TTF2: variants seen among roughly 807,000 people sequenced by gnomAD.
The protein encoded by TTF2 is RNA polymerase II termination factor.
TTF2 carries 108 observed loss-of-function variants against 142.4 expected under a neutral mutation model. The ratio of observed to expected loss-of-function variants is 0.76; its 90% CI spans 0.65 to 0.89. TTF2 has a LOEUF of 0.89. Among genes scored for constraint, TTF2 ranks in the 40% least tolerant of loss-of-function variants. The probability of loss-of-function intolerance (pLI) is 0.00; values close to 1 mark genes in which losing one functional copy is unlikely to be tolerated. For synonymous variants in TTF2, 483 were observed against 506.2 expected, an observed-to-expected ratio of 0.95 and a Z score of 0.61; for missense variants, 1,327 against 1,379.8, an observed-to-expected ratio of 0.96 and a Z score of 0.61.
chr1:117,081,949 T>C lies in TTF2; in HGVS notation c.1903+2T>C. ...CTTTGACGTGGCTCTCCAAAGATGGTAGACAGAAGTGCCTTAATAGCCTGC... is the reference window on the plus strand; with the variant it reads ...CTTTGACGTGGCTCTCCAAAGATGGCAGACAGAAGTGCCTTAATAGCCTGC... On this transcript the variant is annotated splice_donor_variant, in intron 10 of 22. Transcript: ENST00000369466. LOFTEE classifies it high-confidence loss of function. The C allele has an allele frequency of 6.2e-7, 1 of 1,614,088 alleles. No individual in the cohort carries two copies. Among genetic ancestry groups the C allele is most frequent in the Non-Finnish European group, 8.5e-7 (1 of 1,179,980 alleles).
intron 13 of TTF2, among the ~76,000 whole-genome samples, 176 bp from the exon 14 acceptor site, chr1:117,089,879 T>C (rs1380370988): frequency 1.3e-5 from 2 of 152,190 alleles, no homozygotes; most frequent in Non-Finnish European, 2.9e-5. Context: ...GTTATTGACT[T>C]ACATCCTTTT....
Position 117,095,340 on chromosome 1 carries a change from T to C in TTF2, c.3008T>C (p.Ile1003Thr), listed in dbSNP as rs756241035. 2 of 1,614,146 alleles carry C rather than the reference T, an allele frequency of 1.2e-6. No homozygotes were observed. The highest frequency in any genetic ancestry group is 2.2e-5 in the East Asian group (1 of 44,880). ...TCTCTGTTGGCAGAATTGGAGGCAA[T>C]TCAAAGAAATTCAGCATCCCAAAAG... ...ISSLLAELEA[I>T]QRNSASQKSV... The change falls in exon 19 of 23, where the codon ATT becomes ACT. Residue 1003 changes from isoleucine to threonine, a missense_variant. Transcript: ENST00000369466.
At position 117,076,839 on chromosome 1, in the gene TTF2, C is replaced by G; in HGVS notation, c.1573+16C>G. Reference sequence around the variant, plus strand: ...TGCTATCGAGGTAAGACCCAAGGGCCTGACCCTGCTGTGAATAGCCACCCC... The same window carrying G: ...TGCTATCGAGGTAAGACCCAAGGGCGTGACCCTGCTGTGAATAGCCACCCC... On this transcript the variant is annotated intron_variant, in intron 7 of 22. Coordinates refer to ENST00000369466, the MANE Select transcript of TTF2 (RefSeq NM_003594.4). The surrounding 1 kb of genome is among the most constrained non-coding windows in gnomAD (Gnocchi z 4.6). The G allele has an allele frequency of 1.3e-6, 2 of 1,594,122 alleles. No individual in the cohort carries two copies. The highest frequency in any genetic ancestry group is 1.7e-6 in the Non-Finnish European group (2 of 1,168,866).
At position 117,091,846 on chromosome 1, in the gene TTF2, A is replaced by G; in HGVS notation, c.2701A>G (p.Arg901Gly). The change falls in exon 17 of 23, where the codon AGA becomes GGA. Residue 901 changes from arginine to glycine, a missense_variant. Coordinates refer to ENST00000369466, the MANE Select transcript of TTF2 (RefSeq NM_003594.4). ...VALEFGSEEPRHSEAADSPRS... is the reference protein window; with the variant it reads ...VALEFGSEEPGHSEAADSPRS... ...ACTGGAGTTTGGGTCTGAGGAGCCT[A>G]GACACTCGGAGGCAGCAGACTCACC... is the stretch of plus-strand genomic sequence containing the variant. The G allele has an allele frequency of 6.2e-7, 1 of 1,613,552 alleles. No homozygotes were observed. The highest frequency in any genetic ancestry group is 1.1e-5 in the South Asian group (1 of 91,054).
intron 9 of TTF2, 73 bp from the exon 10 acceptor site, chr1:117,081,755 T>A (rs1647528327): frequency 6.5e-7 from 1 of 1,547,136 alleles, no homozygotes; most frequent in Admixed American, 1.9e-5. Flanking sequence ...CTGCCAGTGG[T>A]TTCTCCTCTT....
At chr1:117,094,593 G>C (rs1490070647) in intron 18 of TTF2, 1 of 472,110 alleles carries the variant, frequency 2.1e-6, no homozygotes. Flanking sequence ...ACAACATTTG[G>C]AGCAGGCCAT....
At chr1:117,072,478 G>T (rs1656670032) in intron 3 of TTF2, among the ~76,000 whole-genome samples, 1 of 142,044 alleles carries the variant, frequency 7.0e-6, no homozygotes, top group Non-Finnish European at 1.5e-5. Context: ...AGGCTGGAGT[G>T]CAGTGGTGCA....
intron 18 of TTF2, chr1:117,094,871 G>A (rs973626774): frequency 5.9e-6 from 2 of 338,816 alleles, no homozygotes; most frequent in Non-Finnish European, 1.1e-5. Context: ...TACTTTGGGG[G>A]TTGGGAGGAC....
At position 117,090,621 on chromosome 1, in the gene TTF2, A is replaced by G; in HGVS notation, c.2586A>G (p.Ser862=). ...TTTACAATGTGTTTTTTGCAAGATC[A>G]AGGTGTGTGTATTAAAGAAGCACCT... ...ETVYNVFFAR[S]RSALQSYLKR... The change falls in exon 15 of 23, where the codon TCA becomes TCG. Residue 862 remains serine (S), a splice_region_variant and synonymous_variant. Transcript: ENST00000369466. The surrounding 1 kb of genome is among the most constrained non-coding windows in gnomAD (Gnocchi z 4.8). The G allele has an allele frequency of 6.2e-7, 1 of 1,613,066 alleles. No homozygotes were observed. Among genetic ancestry groups the G allele is most frequent in the South Asian group, 1.1e-5 (1 of 90,882 alleles).
In TTF2 at chr1:117,104,735, A is replaced by G. The variant is rs577061032; in HGVS notation, c.*3211A>G. Reference sequence around the variant, plus strand: ...TTAAATCCTAGTGCTGGGATGGATTACATGAATTACATTGTGGAGCTGCAT... The same window carrying G: ...TTAAATCCTAGTGCTGGGATGGATTGCATGAATTACATTGTGGAGCTGCAT... On this transcript the variant is annotated 3_prime_UTR_variant, in exon 23 of 23. Coordinates refer to ENST00000369466, the MANE Select transcript of TTF2 (RefSeq NM_003594.4). The G allele has an allele frequency of 2.0e-5, 3 of 152,380 alleles. No individual in the cohort carries two copies. In the East Asian group the frequency reaches 5.8e-4, roughly 29 times the overall value. 9.4% of individuals were successfully genotyped at this position (152,380 alleles called of 1,614,324 possible).
chr1:117,077,777 A>T, intron 7 of TTF2, 139 bp from the exon 8 acceptor site: 1 of 1,181,886 alleles, frequency 8.5e-7, no homozygotes, highest in Non-Finnish European at 1.2e-6. Flanking sequence ...GAGAACTGCT[A>T]GAGACATGGA....
chr1:117,098,379 G>C (rs78720517), intron 21 of TTF2: 1 of 152,368 alleles, frequency 6.6e-6, no homozygotes, highest in Non-Finnish European at 1.5e-5. Flanking sequence ...CAATTTCCAA[G>C]TAGCAATCTG....
At chr1:117,098,764 C>A in intron 21 of TTF2, 69 bp from the exon 22 acceptor site, 1 of 1,387,112 alleles carries the variant, frequency 7.2e-7, no homozygotes, top group Non-Finnish European at 1.0e-6. Flanking sequence ...GGATTTGGCC[C>A]ATGGCCCATA....
In TTF2 at chr1:117,070,364, T is replaced by C. The variant is rs1264884029; in HGVS notation, c.219-3297T>C. Among the ~76,000 whole-genome samples the C allele has an allele frequency of 6.6e-6, 1 of 152,256 alleles. No homozygotes were observed. Among genetic ancestry groups the C allele is most frequent in the East Asian group, 1.9e-4 (1 of 5,202 alleles). Reference sequence around the variant, plus strand: ...AATACATACCTAGGTTACAGAACTGTACAGTGTGTTACTTTACTGAATACT... The same window carrying C: ...AATACATACCTAGGTTACAGAACTGCACAGTGTGTTACTTTACTGAATACT... On this transcript the variant is annotated intron_variant, in intron 3 of 22. Coordinates refer to ENST00000369466, the MANE Select transcript of TTF2 (RefSeq NM_003594.4). This position sits in a 1 kb window ranked among gnomAD's most constrained non-coding sequence, Gnocchi z 4.2.
Position 117,080,178 on chromosome 1 carries a change from T to A in TTF2, c.1783+529T>A, listed in dbSNP as rs1297960777. ...GCAGATGCCACCACGCCTGGCTAAT[T>A]TTTTGTATTTTTAGTAGAGATGGGG... On this transcript the variant is annotated intron_variant, in intron 9 of 22. Coordinates refer to ENST00000369466, the MANE Select transcript of TTF2 (RefSeq NM_003594.4). The surrounding 1 kb of genome is among the most constrained non-coding windows in gnomAD (Gnocchi z 4.3). Among the ~76,000 whole-genome samples, 1 of 151,968 alleles carries A rather than the reference T, an allele frequency of 6.6e-6. No individual in the cohort carries two copies. Among genetic ancestry groups the A allele is most frequent in the Admixed American group, 6.6e-5 (1 of 15,264 alleles).
chr1:117,098,995 T>A, intron 22 of TTF2, 88 bp downstream of exon 22: 1 of 1,316,312 alleles, frequency 7.6e-7, no homozygotes. Context: ...TCATAGAATT[T>A]AAAGTATTTG....
chr1:117,074,039 G>A (rs1366932224), intron 4 of TTF2, among the ~76,000 whole-genome samples: 1 of 152,140 alleles, frequency 6.6e-6, no homozygotes, highest in Non-Finnish European at 1.5e-5. Flanking sequence ...TTTTTATAGA[G>A]GAATTTCTAC....
rs553517608 is a variant in TTF2 at position 117,102,964 on chromosome 1, A to G, written c.*1440A>G. The G allele has an allele frequency of 2.6e-5, 4 of 152,236 alleles. No individual in the cohort carries two copies. Among genetic ancestry groups the G allele is most frequent in the South Asian group, 4.1e-4 (2 of 4,836 alleles). The allele number at this position is 152,236 out of a possible 1,614,324, so 9.4% of individuals were successfully genotyped here. On this transcript the variant is annotated 3_prime_UTR_variant, in exon 23 of 23. Coordinates refer to ENST00000369466, the MANE Select transcript of TTF2 (RefSeq NM_003594.4). ...TTTTTGCTGCAGTTTGACGGGGTCC[A>G]TATCAATGGACTGTGGAGAGAAGCG...
At chr1:117,067,714 G>C (rs1428401051) in intron 3 of TTF2, among the ~76,000 whole-genome samples, 2 of 152,074 alleles carry the variant, frequency 1.3e-5, no homozygotes, top group African/African-American at 2.4e-5. Context: ...GAACATTAAG[G>C]GTGTTCAGCC....
Sources: gnomAD v4.1 joint callset for allele counts (sites outside exome capture counted in the v4.1 genomes callset) on GRCh38, gnomAD v4.1.1 for gene constraint, Gnocchi (gnomAD v3.1) non-coding constraint, MANE v1.5 for transcripts, NCBI Gene and HGNC (gene_info 2026-07-23, HGNC 2026-07-21) for gene names.